SLCO3A1: variants seen among roughly 807,000 people sequenced by gnomAD.
SLCO3A1 encodes the protein solute carrier organic anion transporter family member 3A1.
SLCO3A1 carries 27 observed loss-of-function variants against 63.1 expected under a neutral mutation model. That is an observed-to-expected ratio of 0.43 (90% CI 0.32 to 0.59). The LOEUF is 0.59. Ranked by LOEUF, SLCO3A1 falls within the 20% of genes least tolerant of loss-of-function variation. The pLI, the probability that SLCO3A1 is intolerant of heterozygous loss-of-function variation, is 0.09. For synonymous variants in SLCO3A1, 473 were observed against 409.9 expected (o/e 1.15, Z -1.86); for missense variants, 773 against 945.8 (o/e 0.82, Z 2.40).
Position 92,016,254 on chromosome 15 carries a change from T to TTAGATAGATAGATAGATAGATAGA in SLCO3A1, c.647-78621_647-78598dup, listed in dbSNP as rs1555424441. Among the ~76,000 whole-genome samples, 18 of 95,702 alleles carry TTAGATAGATAGATAGATAGATAGA rather than the reference T, an allele frequency of 1.9e-4. No individual in the cohort carries two copies. The East Asian group carries it at 4.2e-3, about 22-fold the overall frequency. The allele number at this position is 95,702 out of a possible 152,430, so 62.8% of individuals were successfully genotyped here. On this transcript the variant is annotated intron_variant, in intron 2 of 9. Transcript: ENST00000318445. ...ATAGATAGATAGATAGATAGATAGATTAGATAGATAGATAGATAGATAGAT... is the reference window on the plus strand; with the variant it reads ...ATAGATAGATAGATAGATAGATAGATTAGATAGATAGATAGATAGATAGATAGATAGATAGATAGATAGATAGAT...
chr15:92,019,966 C>T (rs1398218785), intron 2 of SLCO3A1, among the ~76,000 whole-genome samples: 1 of 152,098 alleles, frequency 6.6e-6, no homozygotes, highest in Non-Finnish European at 1.5e-5. Context: ...GCCCAAGGCT[C>T]GTGGAACCAT....
chr15:91,879,770 A>G (rs948482437), intron 1 of SLCO3A1, among the ~76,000 whole-genome samples: 12 of 152,174 alleles, frequency 7.9e-5, no homozygotes, highest in African/African-American at 2.9e-4. Context: ...CTGTCATGGG[A>G]CAGGTTTTTG....
intron 2 of SLCO3A1, among the ~76,000 whole-genome samples, chr15:92,020,299 T>G (rs2046492963): frequency 6.6e-6 from 1 of 152,158 alleles, no homozygotes; most frequent in Non-Finnish European, 1.5e-5. Flanking sequence ...CATCTATATT[T>G]TCCCCCATAG....
rs76614818 is a variant in SLCO3A1 at position 91,879,159 on chromosome 15, C to T, written c.180+25071C>T. ...AAAGGCAATAGAGTAATCGGATAGG[C>T]CATGGTTATATAGAATATCTGTTGG... On this transcript the variant is annotated intron_variant, in intron 1 of 9. Transcript: ENST00000318445. 3.3e-5 allele frequency among the ~76,000 whole-genome samples: 5 copies of T among 152,242 alleles called. No individual in the cohort carries two copies. The East Asian group carries it at 9.6e-4, about 29-fold the overall frequency.
intron 2 of SLCO3A1, among the ~76,000 whole-genome samples, chr15:91,964,923 T>G (rs1306157247): frequency 6.6e-6 from 1 of 152,082 alleles, no homozygotes; most frequent in Non-Finnish European, 1.5e-5. Flanking sequence ...TCCCGTACTT[T>G]GTCTTTCCAC....
intron 1 of SLCO3A1, among the ~76,000 whole-genome samples, chr15:91,905,571 G>A (rs1898277215): frequency 6.6e-6 from 1 of 150,382 alleles, no homozygotes; most frequent in African/African-American, 2.4e-5. Context: ...CGAATCCCTG[G>A]ATGGACCTGT....
chr15:92,059,051 G>A (rs2047055276), intron 2 of SLCO3A1, among the ~76,000 whole-genome samples: 1 of 152,308 alleles, frequency 6.6e-6, no homozygotes, highest in East Asian at 1.9e-4. Context: ...AGCAGTATCT[G>A]TTTGAAGGCA....
At chr15:91,944,812 AG>A (rs1899747319) in intron 2 of SLCO3A1, among the ~76,000 whole-genome samples, 1 of 152,152 alleles carries the variant, frequency 6.6e-6, no homozygotes, top group Non-Finnish European at 1.5e-5. Flanking sequence ...AGGCACGAGC[AG>A]GCTCCCTCTC....
chr15:92,148,407 G>C (rs759577560), intron 8 of SLCO3A1, among the ~76,000 whole-genome samples: 2 of 152,162 alleles, frequency 1.3e-5, no homozygotes. Flanking sequence ...GAATTCCCAA[G>C]GAAGAGGATT....
At chr15:91,855,075 C>T (rs77252277) in intron 1 of SLCO3A1, among the ~76,000 whole-genome samples, 2,330 of 152,176 alleles carry the variant, frequency 0.015, 72 homozygotes, top group African/African-American at 0.053. Flanking sequence ...TGGCTATTGA[C>T]CCGCAACTGG....
chr15:91,939,321 A>C (rs1899532433), intron 2 of SLCO3A1, among the ~76,000 whole-genome samples: 1 of 152,194 alleles, frequency 6.6e-6, no homozygotes, highest in Non-Finnish European at 1.5e-5. Flanking sequence ...ATGGTGCTGA[A>C]CCATTCATGA....
chr15:92,059,087 C>G (rs1013996831), intron 2 of SLCO3A1, among the ~76,000 whole-genome samples: 3 of 152,312 alleles, frequency 2.0e-5, no homozygotes, highest in Middle Eastern at 3.4e-3. Flanking sequence ...TGTCACTGCT[C>G]TGTCATGGTA....
chr15:91,974,955 T>C (rs1901041577), intron 2 of SLCO3A1, among the ~76,000 whole-genome samples: 1 of 152,204 alleles, frequency 6.6e-6, no homozygotes, highest in African/African-American at 2.4e-5. Flanking sequence ...TCCCAGCTTC[T>C]GGGGTTCCTC....
intron 1 of SLCO3A1, among the ~76,000 whole-genome samples, chr15:91,895,468 G>A (rs1181627421): frequency 2.0e-5 from 3 of 152,150 alleles, no homozygotes; most frequent in Non-Finnish European, 4.4e-5. Flanking sequence ...TGTATACAAG[G>A]GGCTAGCTCA....
chr15:92,164,137 A>C lies in SLCO3A1; in HGVS notation c.*1002A>C, dbSNP rs2048473431. ...AAAATCTGTGTTAACCCTTCAAGTC[A>C]CTAACACAGTTCTCTAGGCCGGATT... On this transcript the variant is annotated 3_prime_UTR_variant, in exon 10 of 10. Coordinates refer to ENST00000318445, the MANE Select transcript of SLCO3A1 (RefSeq NM_013272.4). 1.0e-5 allele frequency: 10 copies of C among 982,668 alleles called. No individual in the cohort carries two copies. The highest frequency in any genetic ancestry group is 1.1e-5 in the Non-Finnish European group (9 of 827,482). The allele number at this position is 982,668 out of a possible 1,614,324, so 60.9% of individuals were successfully genotyped here.
chr15:92,014,159 G>C (rs1206146266), intron 2 of SLCO3A1, among the ~76,000 whole-genome samples: 1 of 152,060 alleles, frequency 6.6e-6, no homozygotes, highest in Admixed American at 6.5e-5. Context: ...GAAATATATG[G>C]AGGAAAATCA....
intron 2 of SLCO3A1, among the ~76,000 whole-genome samples, chr15:91,928,194 G>A (rs1285970464): frequency 2.0e-5 from 3 of 152,344 alleles, no homozygotes; most frequent in East Asian, 1.9e-4. Context: ...AGACAAGTGC[G>A]TTAAGCACAG....
chr15:92,119,455 A>C (rs1367256353), intron 4 of SLCO3A1, among the ~76,000 whole-genome samples: 1 of 152,188 alleles, frequency 6.6e-6, no homozygotes, highest in Non-Finnish European at 1.5e-5. Context: ...AGAAGCCCTG[A>C]GCACCAGGAC....
chr15:92,137,895 T>C (rs2048079297), intron 7 of SLCO3A1, among the ~76,000 whole-genome samples: 2 of 118,666 alleles, frequency 1.7e-5, no homozygotes, highest in Non-Finnish European at 3.3e-5. Context: ...GATGAGTAGG[T>C]TGCGAAAATT....
Sources: allele counts gnomAD v4.1 joint callset (sites outside exome capture counted in the v4.1 genomes callset), GRCh38; gene constraint gnomAD v4.1.1; transcripts MANE v1.5; gene names NCBI Gene and HGNC (gene_info 2026-07-23, HGNC 2026-07-21).